Variants in ADD2 observed in about 807,000 individuals in gnomAD.
ADD2 encodes adducin 2.
ADD2 carries 23 observed loss-of-function variants against 83.0 expected under a neutral mutation model. The observed-to-expected ratio is 0.28, with a 90% CI of 0.20 to 0.39. The LOEUF is 0.39. ADD2 is among the 10% of genes least tolerant of loss of function. ADD2 has a pLI of 1.00. For synonymous variants in ADD2, 375 were observed against 375.4 expected (o/e 1.00, Z 0.01); for missense variants, 758 against 944.9 (o/e 0.80, Z 2.59).
chr2:70,765,605 C>A (rs1675341556), intron 1 of ADD2, among the ~76,000 whole-genome samples: 1 of 152,216 alleles, frequency 6.6e-6, no homozygotes, highest in Non-Finnish European at 1.5e-5. Context: ...CGTAGTAAGT[C>A]CTCACTGAAT....
chr2:70,737,791 C>T (rs1184855206), intron 1 of ADD2, among the ~76,000 whole-genome samples: 2 of 152,196 alleles, frequency 1.3e-5, no homozygotes, highest in African/African-American at 2.4e-5. Flanking sequence ...CCAAGTCCCC[C>T]TGTTCTGATT....
At position 70,663,559 on chromosome 2, in the gene ADD2, T is replaced by C. The variant is rs926698959; in HGVS notation, c.2047A>G (p.Lys683Glu). The change falls in exon 16 of 16, where the codon AAA becomes GAA. Residue 683 changes from lysine to glutamate, a missense_variant. By Grantham distance (56) the Lys-to-Glu change is moderately conservative. Transcript: ENST00000264436. ...GGGCCGCTGGTGACCGACTCGGTTTTGTCCTTAGAGGTATCAACATCCGTG... is the reference window on the plus strand; with the variant it reads ...GGGCCGCTGGTGACCGACTCGGTTTCGTCCTTAGAGGTATCAACATCCGTG... Reference protein sequence around the residue: ...ADTDVDTSKDKTESVTSGPMS... With the variant: ...ADTDVDTSKDETESVTSGPMS... 1 of 1,614,170 alleles carries C rather than the reference T, an allele frequency of 6.2e-7. No individual in the cohort carries two copies.
chr2:70,688,204 A>C, intron 8 of ADD2, 82 bp from the exon 9 acceptor site: 1 of 1,146,700 alleles, frequency 8.7e-7, no homozygotes, highest in Admixed American at 2.0e-5. Context: ...TTTTATTTAG[A>C]TCAACTTCCA....
chr2:70,682,634 C>T (rs539309171), intron 10 of ADD2, among the ~76,000 whole-genome samples: 18 of 152,206 alleles, frequency 1.2e-4, no homozygotes, highest in Non-Finnish European at 2.1e-4. Flanking sequence ...TAAGAAGTTA[C>T]AGCCTCTTAT....
At chr2:70,685,592 T>A (rs1670676318) in intron 9 of ADD2, among the ~76,000 whole-genome samples, 1 of 152,210 alleles carries the variant, frequency 6.6e-6, no homozygotes, top group Non-Finnish European at 1.5e-5. Context: ...ATTTACCATC[T>A]GTGTACCTCA....
At chr2:70,701,030 GA>G (rs1363418594) in intron 4 of ADD2, among the ~76,000 whole-genome samples, 1 of 151,954 alleles carries the variant, frequency 6.6e-6, no homozygotes, top group Non-Finnish European at 1.5e-5. Flanking sequence ...GGGTAAAAAA[GA>G]GAGAGAAATC....
chr2:70,675,367 T>C, intron 13 of ADD2: 1 of 985,914 alleles, frequency 1.0e-6, no homozygotes, highest in Non-Finnish European at 1.2e-6. Flanking sequence ...CAGTTGTAAG[T>C]GACAAAGGGG....
chr2:70,694,182 C>T (rs987100811), intron 6 of ADD2, among the ~76,000 whole-genome samples: 2 of 152,164 alleles, frequency 1.3e-5, no homozygotes, highest in Non-Finnish European at 2.9e-5. Flanking sequence ...CTCTTCTGAA[C>T]CTAGAATAAC....
chr2:70,716,465 C>A lies in ADD2; in HGVS notation c.-153-3281G>T, dbSNP rs1553376365. On this transcript the variant is annotated intron_variant, in intron 1 of 15. Transcript: ENST00000264436. ...CTCTCCTCTGGCAGCCTGCCCCCTACACCCCCGCCCTGGGCTTTCACATCA... is the reference window on the plus strand; with the variant it reads ...CTCTCCTCTGGCAGCCTGCCCCCTAAACCCCCGCCCTGGGCTTTCACATCA... 2.6e-5 allele frequency among the ~76,000 whole-genome samples: 4 copies of A among 152,272 alleles called. No individual in the cohort carries two copies. The South Asian group carries it at 8.3e-4, about 32-fold the overall frequency.
intron 6 of ADD2, among the ~76,000 whole-genome samples, chr2:70,693,285 C>T (rs555192341): frequency 2.5e-4 from 38 of 152,320 alleles, no homozygotes; most frequent in African/African-American, 8.4e-4. Context: ...CCCGATTTCC[C>T]GGAGTGCAAT....
Position 70,734,062 on chromosome 2 carries a change from C to G in ADD2, c.-153-20878G>C, listed in dbSNP as rs574579416. ...TGCCGGGACCTGCTATCTCCACCCC[C>G]CTCTCCCCGGGGACACTGAAGACCC... is the stretch of plus-strand genomic sequence containing the variant. On this transcript the variant is annotated intron_variant, in intron 1 of 15. Coordinates refer to ENST00000264436, the MANE Select transcript of ADD2 (RefSeq NM_001617.4). 1.9e-4 allele frequency among the ~76,000 whole-genome samples: 29 copies of G among 152,298 alleles called. No homozygotes were observed. The East Asian group carries it at 3.9e-3, about 20-fold the overall frequency.
intron 4 of ADD2, 58 bp downstream of exon 4, chr2:70,704,263 T>TGGGCCCCCCCCCCCCCCCCCACCC: frequency 1.1e-6 from 1 of 913,238 alleles, no homozygotes; most frequent in Non-Finnish European, 1.7e-6. Flanking sequence ...CTCCCTCTCT[T>TGGGCCCCCCCCCCCCCCCCCACCC]CCCCACCCCA....
chr2:70,739,817 G>C (rs6546624), intron 1 of ADD2, among the ~76,000 whole-genome samples: 98,470 of 152,166 alleles, frequency 0.65, 32,898 homozygotes, highest in East Asian at 0.9. Context: ...GGGAGCTACA[G>C]GATGAGAACA....
At chr2:70,745,146 C>T (rs1674114570) in intron 1 of ADD2, among the ~76,000 whole-genome samples, 1 of 151,884 alleles carries the variant, frequency 6.6e-6, no homozygotes, top group East Asian at 1.9e-4. Context: ...ATTAGCCGGG[C>T]GTGGTGGCGG....
intron 4 of ADD2, 58 bp downstream of exon 4, chr2:70,704,263 T>TCGCC: frequency 4.4e-6 from 4 of 913,238 alleles, no homozygotes; most frequent in South Asian, 1.5e-5. Flanking sequence ...CTCCCTCTCT[T>TCGCC]CCCCACCCCA....
chr2:70,736,768 G>A (rs1255849931), intron 1 of ADD2, among the ~76,000 whole-genome samples: 2 of 148,982 alleles, frequency 1.3e-5, no homozygotes, highest in African/African-American at 5.1e-5. Context: ...TCTCCCCACT[G>A]TGTTGCTGTT....
chr2:70,674,915 A>G lies in ADD2; in HGVS notation c.1594-90T>C, dbSNP rs1450800500. 4.6e-6 allele frequency: 7 copies of G among 1,526,334 alleles called. No homozygotes were observed. The African/African-American group carries it at 5.5e-5, about 12-fold the overall frequency. 94.5% of individuals were successfully genotyped at this position (1,526,334 alleles called of 1,614,324 possible). ...TTCCTTTTAGATTCATGTGGCTGCAAGCGGTCTTGCTAGGGACAGCGTGGC... is the reference window on the plus strand; with the variant it reads ...TTCCTTTTAGATTCATGTGGCTGCAGGCGGTCTTGCTAGGGACAGCGTGGC... On this transcript the variant is annotated intron_variant, in intron 13 of 15. Coordinates refer to ENST00000264436, the MANE Select transcript of ADD2 (RefSeq NM_001617.4).
intron 1 of ADD2, among the ~76,000 whole-genome samples, chr2:70,750,124 G>T (rs1342302008): frequency 6.6e-6 from 1 of 152,096 alleles, no homozygotes; most frequent in Non-Finnish European, 1.5e-5. Context: ...AATTCTATTG[G>T]CCATGGACAC....
At chr2:70,690,952 T>A in intron 7 of ADD2, 23 bp from the exon 8 acceptor site, 1 of 1,601,094 alleles carries the variant, frequency 6.2e-7, no homozygotes, top group Non-Finnish European at 8.5e-7. Context: ...ATGGCATGGT[T>A]AGCACCTGCA....
Sources: allele counts gnomAD v4.1 joint callset (sites outside exome capture counted in the v4.1 genomes callset), GRCh38; gene constraint gnomAD v4.1.1; transcripts MANE v1.5; gene names NCBI Gene and HGNC (gene_info 2026-07-23, HGNC 2026-07-21).